The following MICU2 variants were observed in gnomAD, a reference collection of about 807,000 sequenced individuals.
MICU2 encodes the protein calcium uptake protein 2, mitochondrial.
Under a neutral mutation model 60.4 loss-of-function variants are expected in MICU2, and 64 were observed. That is an observed-to-expected ratio of 1.06 (90% CI 0.87 to 1.31). MICU2 has a LOEUF of 1.31. Ranked by LOEUF, MICU2 falls within the 50% of genes most tolerant of loss-of-function variation. The probability of loss-of-function intolerance (pLI) is 0.00; values close to 1 mark genes in which losing one functional copy is unlikely to be tolerated. For missense variants in MICU2, 569 were observed against 531.0 expected, an observed-to-expected ratio of 1.07 and a Z score of -0.70; for synonymous variants, 201 against 175.0, an observed-to-expected ratio of 1.15 and a Z score of -1.17.
At chr13:21,511,357 T>C (rs1054463208) in intron 7 of MICU2, among the ~76,000 whole-genome samples, 8 of 152,052 alleles carry the variant, frequency 5.3e-5, no homozygotes, top group African/African-American at 1.9e-4. Flanking sequence ...ATGACAACTA[T>C]ACAAAGACAC....
chr13:21,540,025 T>C (rs1352492920), intron 2 of MICU2, among the ~76,000 whole-genome samples: 2 of 152,204 alleles, frequency 1.3e-5, no homozygotes, highest in Non-Finnish European at 2.9e-5. Flanking sequence ...ACATGATTAT[T>C]AAAATCACTC....
At chr13:21,537,818 A>C (rs371213441) in intron 4 of MICU2, among the ~76,000 whole-genome samples, 3 of 152,194 alleles carry the variant, frequency 2.0e-5, no homozygotes, top group African/African-American at 7.2e-5. Context: ...GGCTACTCCA[A>C]AACACCTCCC....
At chr13:21,569,179 T>C (rs7981800) in intron 1 of MICU2, among the ~76,000 whole-genome samples, 1 of 152,176 alleles carries the variant, frequency 6.6e-6, no homozygotes, top group East Asian at 1.9e-4. Context: ...AAATGACCTC[T>C]GAATTTGTCC....
rs112524793 is a variant in MICU2 at position 21,493,172 on chromosome 13, T to C, written c.*77A>G. On this transcript the variant is annotated 3_prime_UTR_variant, in exon 12 of 12. Transcript: ENST00000382374. ...GAATATCAATGAAGACTTAAGAAGA[T>C]AAATAGCAAGTACTTCTAAAAAATC... 2.4e-3 allele frequency: 2,063 copies of C among 844,730 alleles called. 32 individuals carry two copies. In the African/African-American group the frequency reaches 0.032, roughly 13 times the overall value. The allele number at this position is 844,730 out of a possible 1,614,324, so 52.3% of individuals were successfully genotyped here.
Position 21,493,079 on chromosome 13 carries a change from C to A in MICU2, c.*170G>T. The A allele has an allele frequency of 2.2e-6, 1 of 450,690 alleles. No individual in the cohort carries two copies. Among genetic ancestry groups the A allele is most frequent in the South Asian group, 3.8e-5 (1 of 26,188 alleles). The allele number at this position is 450,690 out of a possible 1,614,324, so 27.9% of individuals were successfully genotyped here. ...AATATCTATTTTTATACTTACTTTTCTTTCTACTAAGTTCTTTAATAAAAT... is the reference window on the plus strand; with the variant it reads ...AATATCTATTTTTATACTTACTTTTATTTCTACTAAGTTCTTTAATAAAAT... On this transcript the variant is annotated 3_prime_UTR_variant, in exon 12 of 12. Coordinates refer to ENST00000382374, the MANE Select transcript of MICU2 (RefSeq NM_152726.3).
At chr13:21,549,663 T>C (rs1030981008) in intron 2 of MICU2, among the ~76,000 whole-genome samples, 11 of 152,200 alleles carry the variant, frequency 7.2e-5, no homozygotes, top group Admixed American at 6.5e-4. Context: ...GGGCATATCA[T>C]ATACTGGTAT....
At chr13:21,521,484 T>C (rs2138165724) in intron 5 of MICU2, among the ~76,000 whole-genome samples, 157 bp from the exon 6 acceptor site, 1 of 152,222 alleles carries the variant, frequency 6.6e-6, no homozygotes, top group Middle Eastern at 3.4e-3. Flanking sequence ...CAAAGGCTGA[T>C]ATTTGGTGTT....
chr13:21,496,099 G>A lies in MICU2; in HGVS notation c.995C>T (p.Ala332Val). The stretch of plus-strand genomic sequence containing the variant: ...TAAACTGAACATCTGCATGGCAATA[G>A]CAAAGTCTTCCAAGTGGGTTGTAAA... ...CHFTTHLEDF[A>V]IAMQMFSLAH... Residue 332 changes from alanine (A) to valine (V), a missense_variant, in exon 10 of 12, where the codon GCT (alanine) becomes GTT (valine). Ala to Val is a moderately conservative substitution (Grantham distance 64). Coordinates refer to ENST00000382374, the MANE Select transcript of MICU2 (RefSeq NM_152726.3). 1 of 1,614,070 alleles carries A rather than the reference G, an allele frequency of 6.2e-7. No individual in the cohort carries two copies. Among genetic ancestry groups the A allele is most frequent in the Non-Finnish European group, 8.5e-7 (1 of 1,179,970 alleles).
intron 1 of MICU2, among the ~76,000 whole-genome samples, chr13:21,595,845 C>T (rs538554276): frequency 3.3e-4 from 50 of 152,330 alleles, no homozygotes; most frequent in African/African-American, 1.2e-3. Flanking sequence ...AGTTCCTTCA[C>T]GGTCCACTCT....
At chr13:21,588,140 G>T in intron 1 of MICU2, among the ~76,000 whole-genome samples, 1 of 152,090 alleles carries the variant, frequency 6.6e-6, no homozygotes, top group Non-Finnish European at 1.5e-5. Flanking sequence ...TGCCCCAACC[G>T]GTTTTTGTAA....
chr13:21,552,090 C>T lies in MICU2; in HGVS notation c.359-12402G>A, dbSNP rs539255203. On this transcript the variant is annotated intron_variant, in intron 2 of 11. Transcript: ENST00000382374. The stretch of plus-strand genomic sequence containing the variant: ...TCCTATTTCTCCACATCCTCTCCAG[C>T]ACCTGTTGTTTCCTGACTTTTTAAT... Among the ~76,000 whole-genome samples, 874 of 152,170 alleles carry T rather than the reference C, an allele frequency of 5.7e-3. 9 individuals are homozygous for T. Among genetic ancestry groups the T allele is most frequent in the African/African-American group, 0.02 (842 of 41,536 alleles).
intron 2 of MICU2, among the ~76,000 whole-genome samples, chr13:21,564,965 T>C (rs770475333): frequency 8.5e-5 from 13 of 152,086 alleles, no homozygotes; most frequent in Non-Finnish European, 1.6e-4. Flanking sequence ...GCTCCAGTGG[T>C]GGGTTCTTAG....
At chr13:21,575,180 C>T (rs1026866963) in intron 1 of MICU2, among the ~76,000 whole-genome samples, 5 of 152,088 alleles carry the variant, frequency 3.3e-5, no homozygotes, top group Non-Finnish European at 5.9e-5. Flanking sequence ...CACACATACA[C>T]ACATAATTTT....
At position 21,572,387 on chromosome 13, in the gene MICU2, C is replaced by A. The variant is rs533223319; in HGVS notation, c.211-5443G>T. Among the ~76,000 whole-genome samples the A allele has an allele frequency of 1.2e-4, 19 of 152,204 alleles. No individual in the cohort carries two copies. In the South Asian group the frequency reaches 3.9e-3, roughly 32 times the overall value. On this transcript the variant is annotated intron_variant, in intron 1 of 11. Coordinates refer to ENST00000382374, the MANE Select transcript of MICU2 (RefSeq NM_152726.3). ...GGAAGAGGGGCAGGTAGGGGTAAGGCGAATGGTTACATTCCTGTGAGACTT... is the reference window on the plus strand; with the variant it reads ...GGAAGAGGGGCAGGTAGGGGTAAGGAGAATGGTTACATTCCTGTGAGACTT...
intron 6 of MICU2, 130 bp from the exon 7 acceptor site, chr13:21,514,548 T>C: frequency 1.6e-6 from 1 of 628,374 alleles, no homozygotes; most frequent in East Asian, 3.0e-5. Context: ...TTCTTTTTTT[T>C]TTTGAGATGG....
chr13:21,597,751 G>A lies in MICU2; in HGVS notation c.210+6188C>T, dbSNP rs1324818606. ...TTGAGACCATCCTGGCTAACACGGTGAAACCCCGTCTCTACTAAAAATACA... is the reference window on the plus strand; with the variant it reads ...TTGAGACCATCCTGGCTAACACGGTAAAACCCCGTCTCTACTAAAAATACA... On this transcript the variant is annotated intron_variant, in intron 1 of 11. Transcript: ENST00000382374. Among the ~76,000 whole-genome samples the A allele has an allele frequency of 7.2e-5, 11 of 152,050 alleles. No homozygotes were observed. The East Asian group carries it at 2.1e-3, about 29-fold the overall frequency.
intron 2 of MICU2, among the ~76,000 whole-genome samples, chr13:21,543,259 A>T (rs542189414): frequency 6.6e-6 from 1 of 152,300 alleles, no homozygotes; most frequent in African/African-American, 2.4e-5. Context: ...TTCTTCTAAG[A>T]ACTGAAATGA....
intron 8 of MICU2, among the ~76,000 whole-genome samples, chr13:21,508,284 C>T (rs942464534): frequency 3.3e-5 from 5 of 152,138 alleles, no homozygotes; most frequent in Admixed American, 6.5e-5. Context: ...TGCCACCATG[C>T]CTGGCTAATT....
intron 2 of MICU2, among the ~76,000 whole-genome samples, chr13:21,542,937 T>G (rs1197663288): frequency 6.6e-6 from 1 of 152,226 alleles, no homozygotes; most frequent in Non-Finnish European, 1.5e-5. Flanking sequence ...TAATCATAAT[T>G]ACAAAAACAA....
Sources: allele counts gnomAD v4.1 joint callset (sites outside exome capture counted in the v4.1 genomes callset), GRCh38; gene constraint gnomAD v4.1.1; transcripts MANE v1.5; gene names NCBI Gene and HGNC (gene_info 2026-07-23, HGNC 2026-07-21).